The following APOL5 variants were observed in gnomAD, a reference collection of about 807,000 sequenced individuals.
The protein encoded by APOL5 is apolipoprotein L5.
A neutral mutation model predicts 35.5 loss-of-function variants in APOL5; 29 were observed. The observed-to-expected ratio is 0.82, with a 90% CI of 0.61 to 1.11. The LOEUF is 1.11. Among genes scored for constraint, APOL5 ranks in the 50% most tolerant of loss-of-function variants. The pLI, the probability that APOL5 is intolerant of heterozygous loss-of-function variation, is 0.00. For missense variants in APOL5, 514 were observed against 530.4 expected (o/e 0.97, Z 0.30); for synonymous variants, 188 against 200.2 (o/e 0.94, Z 0.51).
intron 2 of APOL5, among the ~76,000 whole-genome samples, chr22:35,724,756 GC>G (rs1437920337): frequency 6.6e-6 from 1 of 151,796 alleles, no homozygotes; most frequent in African/African-American, 2.4e-5. Flanking sequence ...GACTACAGGC[GC>G]CCACTACCGT....
intron 2 of APOL5, among the ~76,000 whole-genome samples, chr22:35,725,818 T>C (rs561201521): frequency 9.2e-5 from 14 of 152,022 alleles, no homozygotes; most frequent in African/African-American, 2.4e-4. Context: ...CGAGGAGCAA[T>C]TGGGGAGGTT....
rs756284204 is a variant in APOL5 at position 35,726,910 on chromosome 22, A to G, written c.842A>G (p.Glu281Gly). 3.1e-6 allele frequency: 5 copies of G among 1,614,058 alleles called. No individual in the cohort carries two copies. The African/African-American group carries it at 6.7e-5, about 22-fold the overall frequency. ...WTARGVQRAF[E>G]GTTLAMTNGA... Reference sequence around the variant, plus strand: ...GCTAGAGGGGTGCAGAGAGCCTTTGAGGGCACAACTCTGGCCATGACCAAT... The same window carrying G: ...GCTAGAGGGGTGCAGAGAGCCTTTGGGGGCACAACTCTGGCCATGACCAAT... Residue 281 changes from glutamate (E) to glycine (G), a missense_variant, in exon 3 of 5, where the codon GAG becomes GGG. Coordinates refer to ENST00000249044, the MANE Select transcript of APOL5 (RefSeq NM_030642.1).
chr22:35,710,091 C>A, the APOL5 span, among the ~76,000 whole-genome samples: 5 of 141,144 alleles, frequency 3.5e-5, no homozygotes, highest in African/African-American at 1.3e-4. Flanking sequence ...TGCTGTCTGC[C>A]TTTAGGTCTT....
intron 2 of APOL5, among the ~76,000 whole-genome samples, chr22:35,721,736 C>T (rs552907779): frequency 5.1e-4 from 78 of 152,198 alleles, no homozygotes; most frequent in African/African-American, 1.8e-3. Context: ...CCTTGAGATC[C>T]AAGCTCCTGG....
chr22:35,718,227 T>C (rs4821440), intron 1 of APOL5, among the ~76,000 whole-genome samples: 108,363 of 151,750 alleles, frequency 0.71, 39,303 homozygotes, highest in African/African-American at 0.83. Flanking sequence ...GGGGAAGGGG[T>C]CAATCACTGG....
At chr22:35,711,503 G>A in the APOL5 span, among the ~76,000 whole-genome samples, 1 of 152,038 alleles carries the variant, frequency 6.6e-6, no homozygotes, top group Non-Finnish European at 1.5e-5. Context: ...TGTTTTTTAT[G>A]GACCAGCTAT....
chr22:35,715,598 C>T (rs567827857), upstream of APOL5, among the ~76,000 whole-genome samples: 4 of 152,274 alleles, frequency 2.6e-5, no homozygotes, highest in South Asian at 8.3e-4. Context: ...AAGCCGAGAT[C>T]GTGCCACTGC....
At chr22:35,711,134 G>C in the APOL5 span, among the ~76,000 whole-genome samples, 1 of 152,156 alleles carries the variant, frequency 6.6e-6, no homozygotes, top group African/African-American at 2.4e-5. Context: ...CACGCCATTG[G>C]CACTCCAGCC....
rs755690258 is a variant in APOL5 at position 35,727,175 on chromosome 22, C to A, written c.1107C>A (p.Ser369=). 4 of 1,601,674 alleles carry A rather than the reference C, an allele frequency of 2.5e-6. No individual in the cohort carries two copies. The East Asian group carries it at 8.9e-5, about 36-fold the overall frequency. ...CCCGGGGCAGGGCTGTTCGAGGATC[C>A]CGTGTGGTTAAACCAGAAGGTAGGA... is the stretch of plus-strand genomic sequence containing the variant. ...SSSRGRAVRG[S]RVVKPEGSRS... is the part of the protein sequence containing the mutation. Residue 369 remains serine (S), a synonymous_variant, in exon 3 of 5, where the codon TCC becomes TCA. Transcript: ENST00000249044.
intron 1 of APOL5, 54 bp from the exon 2 acceptor site, chr22:35,720,512 CTT>C: frequency 6.5e-7 from 1 of 1,532,302 alleles, no homozygotes; most frequent in South Asian, 1.1e-5. Context: ...ACTGTTATGT[CTT>C]TTCGGGCTGA....
the APOL5 span, among the ~76,000 whole-genome samples, chr22:35,710,509 A>G: frequency 2.0e-5 from 3 of 150,644 alleles, no homozygotes; most frequent in African/African-American, 7.4e-5. Flanking sequence ...ACACACACAC[A>G]CATATATATA....
chr22:35,717,255 T>TATATATATATA (rs1167745529), upstream of APOL5, among the ~76,000 whole-genome samples: 20 of 123,128 alleles, frequency 1.6e-4, no homozygotes, highest in Non-Finnish European at 3.1e-4. Context: ...TATATATATA[T>TATATATATATA]TAGCTGGGTG....
intron 2 of APOL5, among the ~76,000 whole-genome samples, chr22:35,721,007 A>G (rs910523782): frequency 2.0e-5 from 3 of 152,046 alleles, no homozygotes; most frequent in Non-Finnish European, 4.4e-5. Flanking sequence ...CGGCCTCCCA[A>G]TGTGCTGGGA....
At chr22:35,725,295 T>C (rs1927109857) in intron 2 of APOL5, among the ~76,000 whole-genome samples, 1 of 152,176 alleles carries the variant, frequency 6.6e-6, no homozygotes, top group Non-Finnish European at 1.5e-5. Flanking sequence ...AGATGAACTC[T>C]TGCTCTGTCA....
At chr22:35,711,607 C>CTTCCTTCCTTCCTTCT in the APOL5 span, among the ~76,000 whole-genome samples, 25 of 135,740 alleles carry the variant, frequency 1.8e-4, no homozygotes, top group African/African-American at 6.4e-4. Flanking sequence ...TTTTTCCTTC[C>CTTCCTTCCTTCCTTCT]TTCCTTCCTT....
chr22:35,727,302 T>G, intron 3 of APOL5, 108 bp downstream of exon 3: 1 of 1,460,030 alleles, frequency 6.8e-7, no homozygotes, highest in Non-Finnish European at 9.1e-7. Context: ...TAACTACAGC[T>G]GCCCCTTCTG....
intron 1 of APOL5, among the ~76,000 whole-genome samples, chr22:35,719,315 G>A (rs551734417): frequency 1.3e-5 from 2 of 152,288 alleles, no homozygotes; most frequent in African/African-American, 2.4e-5. Context: ...CAATGTGAGA[G>A]AGAGTGTCTG....
intron 1 of APOL5, among the ~76,000 whole-genome samples, chr22:35,719,156 G>A (rs1318765953): frequency 2.0e-5 from 3 of 152,114 alleles, no homozygotes; most frequent in Non-Finnish European, 2.9e-5. Context: ...GAAAAATAAC[G>A]GGAAGTAGAG....
upstream of APOL5, among the ~76,000 whole-genome samples, chr22:35,716,983 A>T (rs1601893136): frequency 1.4e-5 from 1 of 69,932 alleles, no homozygotes; most frequent in Non-Finnish European, 2.8e-5. Context: ...GAACATCCAT[A>T]CACGTTTGTC....
Sources: gnomAD v4.1 joint callset for allele counts (sites outside exome capture counted in the v4.1 genomes callset) on GRCh38, gnomAD v4.1.1 for gene constraint, MANE v1.5 for transcripts, NCBI Gene and HGNC (gene_info 2026-07-23, HGNC 2026-07-21) for gene names.